CAPN8: variants seen among roughly 807,000 people sequenced by gnomAD.
CAPN8 encodes calpain 8, also known as calpain-8.
In CAPN8, 87 loss-of-function variants were observed where a neutral mutation model predicts 80.9. The ratio of observed to expected loss-of-function variants is 1.07; its 90% confidence interval spans 0.90 to 1.28. CAPN8 has a LOEUF of 1.28. Among genes scored for constraint, CAPN8 ranks in the 50% most tolerant of loss-of-function variants. The pLI is 0.00. For missense variants in CAPN8, 757 were observed against 702.0 expected (o/e 1.08, Z -0.89); for synonymous variants, 299 against 273.8 (o/e 1.09, Z -0.91).
chr1:223,618,175 TAG>T, intron 9 of CAPN8: 1 of 1,520,006 alleles, frequency 6.6e-7, no homozygotes, highest in Non-Finnish European at 8.9e-7. Flanking sequence ...AGGTGAAAAG[TAG>T]AGAGAGCAGG....
chr1:223,544,470 G>T (rs1443797211), intron 18 of CAPN8, among the ~76,000 whole-genome samples: 1 of 152,154 alleles, frequency 6.6e-6, no homozygotes, highest in Non-Finnish European at 1.5e-5. Flanking sequence ...GAAGGTGAGG[G>T]GGCTGCCTGT....
intron 2 of CAPN8, among the ~76,000 whole-genome samples, chr1:223,650,103 G>A (rs1281715738): frequency 6.6e-6 from 1 of 152,152 alleles, no homozygotes; most frequent in Non-Finnish European, 1.5e-5. Flanking sequence ...AAGAGAGAGA[G>A]AGGAGGGGCC....
chr1:223,550,256 C>T (rs1468120917), intron 15 of CAPN8, among the ~76,000 whole-genome samples: 1 of 152,222 alleles, frequency 6.6e-6, no homozygotes, highest in Non-Finnish European at 1.5e-5. Context: ...TCCATCTGCT[C>T]AGCCCTGGGT....
intron 11 of CAPN8, among the ~76,000 whole-genome samples, chr1:223,609,608 C>T (rs1405445394): frequency 1.3e-5 from 2 of 152,098 alleles, no homozygotes; most frequent in Admixed American, 1.3e-4. Flanking sequence ...ACCTCTGGGC[C>T]TCCCCAGTTA....
At chr1:223,543,292 C>T in intron 19 of CAPN8, 126 bp from the exon 20 acceptor site, 1 of 1,107,272 alleles carries the variant, frequency 9.0e-7, no homozygotes, top group Non-Finnish European at 1.3e-6. Flanking sequence ...CACCCCCTCC[C>T]CTCCAGCCCC....
intron 2 of CAPN8, among the ~76,000 whole-genome samples, chr1:223,640,753 T>G (rs1010223208): frequency 1.3e-5 from 2 of 152,122 alleles, no homozygotes; most frequent in Non-Finnish European, 2.9e-5. Context: ...ATTAGGAGGT[T>G]GCAAAAAGAA....
intron 2 of CAPN8, among the ~76,000 whole-genome samples, chr1:223,652,411 T>C (rs1379937447): frequency 6.6e-6 from 1 of 152,126 alleles, no homozygotes; most frequent in Non-Finnish European, 1.5e-5. Context: ...CAATCTGTGT[T>C]GTACTCTGAA....
chr1:223,549,505 C>A, intron 15 of CAPN8, 123 bp from the exon 16 acceptor site: 1 of 1,434,000 alleles, frequency 7.0e-7, no homozygotes, highest in Non-Finnish European at 9.5e-7. Context: ...TTGGTCTCTG[C>A]CAAAAGGGGA....
intron 13 of CAPN8, among the ~76,000 whole-genome samples, chr1:223,555,809 G>A (rs1656893524): frequency 6.6e-6 from 1 of 152,188 alleles, no homozygotes; most frequent in African/African-American, 2.4e-5. Flanking sequence ...AAACGTGTAC[G>A]TGGTTGCAAC....
rs1236927646 is a variant in CAPN8 at position 223,553,614 on chromosome 1, C to T, written c.1641+218G>A. Among the ~76,000 whole-genome samples the T allele has an allele frequency of 7.9e-5, 12 of 152,284 alleles. No individual in the cohort carries two copies. The South Asian group carries it at 2.3e-3, about 29-fold the overall frequency. ...CTATTTTCTCAAGAGTCAGTCAACG[C>T]AGCAAGATAAGTAGCCTCAGGACCA... is the stretch of plus-strand genomic sequence containing the variant. On this transcript the variant is annotated intron_variant, in intron 14 of 20. Coordinates refer to ENST00000366872, the MANE Select transcript of CAPN8 (RefSeq NM_001143962.2).
intron 11 of CAPN8, among the ~76,000 whole-genome samples, chr1:223,610,539 T>C (rs1372259628): frequency 6.6e-6 from 1 of 152,196 alleles, no homozygotes; most frequent in Non-Finnish European, 1.5e-5. Flanking sequence ...GACAGGGCAC[T>C]GGTAGGAGAA....
intron 2 of CAPN8, among the ~76,000 whole-genome samples, chr1:223,649,704 A>G (rs1658295233): frequency 6.6e-6 from 1 of 152,242 alleles, no homozygotes; most frequent in African/African-American, 2.4e-5. Flanking sequence ...TGAAAAATAC[A>G]AAAAGGCTTG....
intron 2 of CAPN8, among the ~76,000 whole-genome samples, chr1:223,650,517 T>C (rs976269876): frequency 1.1e-4 from 17 of 152,196 alleles, no homozygotes; most frequent in African/African-American, 4.1e-4. Context: ...ACAATTATAC[T>C]GAGGGAAAGT....
At chr1:223,610,944 G>A (rs1657014423) in intron 11 of CAPN8, among the ~76,000 whole-genome samples, 1 of 152,134 alleles carries the variant, frequency 6.6e-6, no homozygotes, top group African/African-American at 2.4e-5. Flanking sequence ...CCAGGAGCAG[G>A]GCCCAAAAAT....
intron 13 of CAPN8, among the ~76,000 whole-genome samples, chr1:223,556,167 A>C (rs1656903218): frequency 3.3e-5 from 5 of 152,174 alleles, no homozygotes; most frequent in Non-Finnish European, 1.5e-5. Flanking sequence ...GCAGGTGATT[A>C]TGCTCTTTGA....
intron 13 of CAPN8, among the ~76,000 whole-genome samples, chr1:223,556,986 A>G (rs1052525025): frequency 6.2e-4 from 94 of 152,310 alleles, no homozygotes; most frequent in African/African-American, 2.2e-3. Flanking sequence ...AAGAGTCACA[A>G]GCACAGAAAG....
intron 2 of CAPN8, among the ~76,000 whole-genome samples, chr1:223,646,358 C>T (rs1180396120): frequency 6.6e-6 from 1 of 152,238 alleles, no homozygotes; most frequent in Non-Finnish European, 1.5e-5. Flanking sequence ...AGCCAGCCTA[C>T]TGAAGAACTG....
intron 13 of CAPN8, among the ~76,000 whole-genome samples, chr1:223,554,555 T>C (rs1656864306): frequency 6.6e-6 from 1 of 152,028 alleles, no homozygotes; most frequent in South Asian, 2.1e-4. Context: ...GCCACTGTAT[T>C]CCAGCCTGGG....
chr1:223,549,626 C>G (rs971109003), intron 15 of CAPN8: 23 of 644,326 alleles, frequency 3.6e-5, no homozygotes, highest in South Asian at 2.5e-4. Context: ...TGGCTTGGCT[C>G]CCCACAAGCC....
Sources: allele counts gnomAD v4.1 joint callset (sites outside exome capture counted in the v4.1 genomes callset), GRCh38; gene constraint gnomAD v4.1.1; transcripts MANE v1.5; gene names NCBI Gene and HGNC (gene_info 2026-07-23, HGNC 2026-07-21).